The following SUPT3H variants were observed in gnomAD, a reference collection of about 807,000 sequenced individuals.
The protein encoded by SUPT3H is SPT3 homolog, SAGA and STAGA complex component, also known as transcription initiation protein SPT3 homolog.
In SUPT3H, 44 loss-of-function variants were observed where a neutral mutation model predicts 44.3. That is an observed-to-expected ratio of 0.99 (90% confidence interval 0.78 to 1.28). The LOEUF (loss-of-function observed/expected upper bound fraction) is 1.28, where lower values mean the gene tolerates loss of function less well. SUPT3H is among the 50% of genes most tolerant of loss of function. The pLI is 0.00. For missense variants in SUPT3H, 380 were observed against 387.1 expected, an observed-to-expected ratio of 0.98 and a Z score of 0.15; for synonymous variants, 124 against 125.6, an observed-to-expected ratio of 0.99 and a Z score of 0.09.
At chr6:44,935,864 C>T (rs1396186964) in intron 9 of SUPT3H, among the ~76,000 whole-genome samples, 2 of 152,200 alleles carry the variant, frequency 1.3e-5, no homozygotes, top group Non-Finnish European at 2.9e-5. Context: ...CTGGATCTCT[C>T]ACTGAACCTT....
At chr6:44,870,024 G>A (rs907153650) in intron 10 of SUPT3H, among the ~76,000 whole-genome samples, 2 of 152,170 alleles carry the variant, frequency 1.3e-5, no homozygotes, top group Admixed American at 1.3e-4. Context: ...CCTATAACCA[G>A]TCTTTTGCCA....
At chr6:45,070,720 A>G (rs1794233798) in intron 3 of SUPT3H, among the ~76,000 whole-genome samples, 1 of 137,628 alleles carries the variant, frequency 7.3e-6, no homozygotes, top group Non-Finnish European at 1.5e-5. Flanking sequence ...GGGTAATAAG[A>G]GCAAAACTCT....
At chr6:45,340,315 G>A (rs1349151571) in intron 2 of SUPT3H, among the ~76,000 whole-genome samples, 2 of 152,036 alleles carry the variant, frequency 1.3e-5, no homozygotes, top group Non-Finnish European at 2.9e-5. Context: ...AGATTAAGGT[G>A]AGGTTTGTTA....
chr6:44,897,174 T>C (rs1561991722), intron 10 of SUPT3H, among the ~76,000 whole-genome samples: 1 of 152,292 alleles, frequency 6.6e-6, no homozygotes, highest in East Asian at 1.9e-4. Context: ...GGGCTAGACA[T>C]TGAGAATGAA....
intron 2 of SUPT3H, among the ~76,000 whole-genome samples, chr6:45,214,189 AC>A (rs1764637991): frequency 6.6e-6 from 1 of 152,084 alleles, no homozygotes; most frequent in South Asian, 2.1e-4. Flanking sequence ...TCAGTTTTCT[AC>A]AACACCTTAT....
At chr6:45,102,599 A>G (rs192709940) in intron 3 of SUPT3H, among the ~76,000 whole-genome samples, 1 of 152,308 alleles carries the variant, frequency 6.6e-6, no homozygotes, top group African/African-American at 2.4e-5. Context: ...ATGCCTTCCA[A>G]TGTGGTACAG....
chr6:45,249,343 T>C (rs1296253314), intron 2 of SUPT3H, among the ~76,000 whole-genome samples: 1 of 152,030 alleles, frequency 6.6e-6, no homozygotes, highest in Non-Finnish European at 1.5e-5. Context: ...AAGAAGGAAA[T>C]AGTATATCTA....
At chr6:45,296,185 T>TACACACACACACACACACACAC (rs201077641) in intron 2 of SUPT3H, among the ~76,000 whole-genome samples, 9 of 140,452 alleles carry the variant, frequency 6.4e-5, no homozygotes, top group South Asian at 2.5e-4. Flanking sequence ...ATACACATAC[T>TACACACACACACACACACACAC]ACACACACAC....
At chr6:45,210,708 A>G (rs931492730) in intron 2 of SUPT3H, among the ~76,000 whole-genome samples, 2 of 152,194 alleles carry the variant, frequency 1.3e-5, no homozygotes, top group East Asian at 3.9e-4. Flanking sequence ...TTCTAAACTG[A>G]TTGAGATCTG....
intron 2 of SUPT3H, among the ~76,000 whole-genome samples, chr6:45,129,484 A>G (rs1464945267): frequency 1.3e-5 from 2 of 151,958 alleles, no homozygotes; most frequent in African/African-American, 4.8e-5. Flanking sequence ...TATTTAAGCA[A>G]TAATTTCATG....
At chr6:45,219,881 A>C (rs10948217) in intron 2 of SUPT3H, among the ~76,000 whole-genome samples, 32,425 of 151,578 alleles carry the variant, frequency 0.21, 4,384 homozygotes, top group Non-Finnish European at 0.31. Context: ...TCCATTAAAA[A>C]TAAAAAAATT....
chr6:44,810,022 A>G (rs560363762), intron 11 of SUPT3H, among the ~76,000 whole-genome samples: 1 of 152,334 alleles, frequency 6.6e-6, no homozygotes, highest in South Asian at 2.1e-4. Flanking sequence ...TTGTTGGTGT[A>G]GTTTTTTCCA....
intron 2 of SUPT3H, among the ~76,000 whole-genome samples, chr6:45,347,956 C>T (rs918883317): frequency 1.3e-5 from 2 of 152,002 alleles, no homozygotes; most frequent in African/African-American, 4.8e-5. Flanking sequence ...ATTCCAAAAT[C>T]TCAAACAAAT....
chr6:45,020,781 T>C (rs942897915), intron 3 of SUPT3H, 149 bp from the exon 4 acceptor site: 2 of 503,984 alleles, frequency 4.0e-6, no homozygotes, highest in Non-Finnish European at 7.0e-6. Flanking sequence ...AAGAGTAAAA[T>C]GTCTTATGTT....
At chr6:45,305,559 G>A (rs1226125626) in intron 2 of SUPT3H, among the ~76,000 whole-genome samples, 2 of 152,026 alleles carry the variant, frequency 1.3e-5, no homozygotes, top group Non-Finnish European at 2.9e-5. Context: ...TCTTTATGTG[G>A]TTTTAGTTCA....
intron 2 of SUPT3H, chr6:45,328,193 C>A: frequency 9.7e-7 from 1 of 1,028,650 alleles, no homozygotes; most frequent in Non-Finnish European, 1.3e-6. Flanking sequence ...GGGGGAAAAG[C>A]CACAGTGGTA....
chr6:45,348,578 G>A lies in SUPT3H; in HGVS notation c.101+16623C>T, dbSNP rs536087704. Among the ~76,000 whole-genome samples, 5 of 150,970 alleles carry A rather than the reference G, an allele frequency of 3.3e-5. No homozygotes were observed. In the East Asian group the frequency reaches 9.7e-4, roughly 29 times the overall value. On this transcript the variant is annotated intron_variant, in intron 2 of 10. Transcript: ENST00000371459. ...TAGTCCCAGCTACTCAGGAGACTGA[G>A]GCAGGAGAATCACTTGAATCCGGGA...
chr6:44,901,021 T>C (rs564793720), intron 10 of SUPT3H, among the ~76,000 whole-genome samples: 273 of 152,186 alleles, frequency 1.8e-3, no homozygotes, highest in African/African-American at 6.4e-3. Flanking sequence ...ACCCCATCTA[T>C]ACGTGACCAT....
rs1261205291 is a variant in SUPT3H at position 45,176,509 on chromosome 6, C to T, written c.102-70503G>A. ...AGCGAGGCTGGGGGAGGGGCGCCTG[C>T]CATTGCCCAGGCTTGCTTAGGTAAA... On this transcript the variant is annotated intron_variant, in intron 2 of 10. Transcript: ENST00000371459. Among the ~76,000 whole-genome samples, 13 of 152,226 alleles carry T rather than the reference C, an allele frequency of 8.5e-5. No individual in the cohort carries two copies. In the East Asian group the frequency reaches 2.1e-3, roughly 25 times the overall value.
Sources: allele counts gnomAD v4.1 joint callset (sites outside exome capture counted in the v4.1 genomes callset), GRCh38; gene constraint gnomAD v4.1.1; transcripts MANE v1.5; gene names NCBI Gene and HGNC (gene_info 2026-07-23, HGNC 2026-07-21).